PABPC1L: variants seen among roughly 807,000 people sequenced by gnomAD.
The protein encoded by PABPC1L is poly(A) binding protein cytoplasmic 1 like.
A neutral mutation model predicts 66.6 loss-of-function variants in PABPC1L; 31 were observed. That is an observed-to-expected ratio of 0.47 (90% CI 0.35 to 0.63). PABPC1L has a LOEUF of 0.63. Among genes scored for constraint, PABPC1L ranks in the 20% least tolerant of loss-of-function variants. The pLI is 0.00. For missense variants in PABPC1L, 722 were observed against 848.8 expected (o/e 0.85, Z 1.86); for synonymous variants, 348 against 335.1 (o/e 1.04, Z -0.42).
chr20:44,925,487 G>A (rs2066803507), intron 7 of PABPC1L, among the ~76,000 whole-genome samples: 1 of 152,188 alleles, frequency 6.6e-6, no homozygotes, highest in South Asian at 2.1e-4. Flanking sequence ...GGCAGTAGCA[G>A]CAGTGTTTGA....
intron 7 of PABPC1L, among the ~76,000 whole-genome samples, chr20:44,929,749 C>T (rs79009129): frequency 0.017 from 2,560 of 150,434 alleles, 61 homozygotes; most frequent in Admixed American, 0.078. Flanking sequence ...TAGCCGAGAT[C>T]GTGCCACTCC....
chr20:44,910,320 C>G lies in PABPC1L; in HGVS notation c.177C>G (p.Phe59Leu). ...RRSLGYAYIN[F>L]QQPADAERAL... ...CGCTGGGCTACGCCTACATCAACTT[C>G]CAGCAGCCCGCGGACGGTGAGCCCC... Residue 59 changes from phenylalanine to leucine, a missense_variant, in exon 1 of 15, where the codon TTC becomes TTG. Physicochemically the swap from Phe to Leu is conservative, Grantham distance 22 (BLOSUM62 0). Coordinates refer to ENST00000217073, the MANE Select transcript of PABPC1L (RefSeq NM_001372179.1). The G allele has an allele frequency of 2.6e-6, 4 of 1,517,296 alleles. No homozygotes were observed. Among genetic ancestry groups the G allele is most frequent in the Non-Finnish European group, 2.7e-6 (3 of 1,125,680 alleles). 94.0% of individuals were successfully genotyped at this position (1,517,296 alleles called of 1,614,324 possible).
intron 7 of PABPC1L, among the ~76,000 whole-genome samples, chr20:44,929,609 A>G (rs111269586): frequency 1.3e-5 from 2 of 152,046 alleles, no homozygotes; most frequent in South Asian, 4.2e-4. Flanking sequence ...AGCCTGGCCA[A>G]CATGGTGAAA....
chr20:44,914,482 A>G (rs1214849005), intron 2 of PABPC1L, among the ~76,000 whole-genome samples: 2 of 152,176 alleles, frequency 1.3e-5, no homozygotes, highest in Non-Finnish European at 2.9e-5. Context: ...TGCTGGGATT[A>G]CAGGCGTGAG....
intron 11 of PABPC1L, 138 bp from the exon 12 acceptor site, chr20:44,936,499 C>T (rs111861736): frequency 6.0e-5 from 40 of 665,284 alleles, no homozygotes; most frequent in Middle Eastern, 4.2e-4. Flanking sequence ...GACTCTCCAC[C>T]CCACCTGATC....
intron 6 of PABPC1L, among the ~76,000 whole-genome samples, 182 bp downstream of exon 6, chr20:44,921,913 C>T (rs2066776970): frequency 6.6e-6 from 1 of 152,198 alleles, no homozygotes; most frequent in Non-Finnish European, 1.5e-5. Flanking sequence ...CTGCGCACAA[C>T]CCAACTGTCC....
At chr20:44,928,864 C>CAAAAAAAAAAAAAA (rs10597679) in intron 7 of PABPC1L, among the ~76,000 whole-genome samples, 73 of 54,312 alleles carry the variant, frequency 1.3e-3, no homozygotes, top group African/African-American at 3.6e-3. Flanking sequence ...GATCCTGACT[C>CAAAAAAAAAAAAAA]AAAAAAAAAA....
chr20:44,937,222 C>T (rs2066908177), intron 12 of PABPC1L: 3 of 343,378 alleles, frequency 8.7e-6, no homozygotes, highest in South Asian at 2.2e-5. Flanking sequence ...TTCATCTTCA[C>T]CCCTAGTGTC....
At chr20:44,932,752 C>G (rs910098652) in intron 9 of PABPC1L, 2 of 495,672 alleles carry the variant, frequency 4.0e-6, no homozygotes, top group African/African-American at 3.8e-5. Context: ...CAAAGGCCCT[C>G]CTCTGTAAGA....
intron 10 of PABPC1L, among the ~76,000 whole-genome samples, chr20:44,935,147 C>T (rs147444514): frequency 4.6e-5 from 7 of 151,066 alleles, no homozygotes; most frequent in African/African-American, 1.7e-4. Flanking sequence ...TGGGTATATA[C>T]CCAGAGGTAA....
intron 2 of PABPC1L, 96 bp downstream of exon 2, chr20:44,912,949 G>C: frequency 8.4e-7 from 1 of 1,191,412 alleles, no homozygotes; most frequent in Non-Finnish European, 1.2e-6. Flanking sequence ...CAGTTTACAA[G>C]GTCCTTTCAG....
chr20:44,937,611 C>T (rs1450106274), intron 12 of PABPC1L, among the ~76,000 whole-genome samples: 1 of 152,154 alleles, frequency 6.6e-6, no homozygotes, highest in Non-Finnish European at 1.5e-5. Flanking sequence ...GATGGGGTTT[C>T]ACCATGTTGG....
At chr20:44,938,235 G>GACA in intron 13 of PABPC1L, 44 bp downstream of exon 13, 9 of 1,597,314 alleles carry the variant, frequency 5.6e-6, no homozygotes, top group Non-Finnish European at 7.7e-6. Context: ...GGGGCAGGAG[G>GACA]AGAGCTAACG....
Position 44,918,918 on chromosome 20 carries a change from C to T in PABPC1L, c.516C>T (p.His172=). Reference sequence around the variant, plus strand: ...GTCATGTCCACAGCTTTGTGGGTCACTTCAAGTCTCGACGGGAGCGGGAGG... The same window carrying T: ...GTCATGTCCACAGCTTTGTGGGTCATTTCAAGTCTCGACGGGAGCGGGAGG... ...LLNDRKVFVG[H]FKSRREREAE... The change falls in exon 4 of 15, where the codon CAC becomes CAT. Residue 172 remains histidine (H), a synonymous_variant. Coordinates refer to ENST00000217073, the MANE Select transcript of PABPC1L (RefSeq NM_001372179.1). The T allele has an allele frequency of 6.3e-7, 1 of 1,594,126 alleles. No individual in the cohort carries two copies. Among genetic ancestry groups the T allele is most frequent in the East Asian group, 2.2e-5 (1 of 44,788 alleles).
chr20:44,919,142 A>C (rs2066756658), intron 4 of PABPC1L, 41 bp from the exon 5 acceptor site: 2 of 1,613,876 alleles, frequency 1.2e-6, no homozygotes, highest in Middle Eastern at 1.6e-4. Context: ...TTTCCTGAGG[A>C]CTTCCCAGAC....
intron 7 of PABPC1L, among the ~76,000 whole-genome samples, chr20:44,925,273 T>G (rs1166063484): frequency 6.6e-6 from 1 of 151,592 alleles, no homozygotes; most frequent in Non-Finnish European, 1.5e-5. Flanking sequence ...TGTTTCTTCA[T>G]TCTATACTTA....
In PABPC1L at chr20:44,912,835, G is replaced by C. The variant is rs1471975670; in HGVS notation, c.369G>C (p.Gly123=). The change falls in exon 2 of 15, where the codon GGG becomes GGC. Residue 123 remains glycine (G), a synonymous_variant. Transcript: ENST00000217073. ...KALYDTFSTF[G]NILSCKVACD... ...TATATGATACCTTCTCCACCTTTGG[G>C]AACATCCTCTCTTGCAAGGTAGAGG... 4 of 1,613,810 alleles carry C rather than the reference G, an allele frequency of 2.5e-6. No individual in the cohort carries two copies. The highest frequency in any genetic ancestry group is 1.3e-5 in the African/African-American group (1 of 74,888).
intron 14 of PABPC1L, 36 bp downstream of exon 14, chr20:44,938,784 G>A (rs1273417803): frequency 1.3e-6 from 2 of 1,587,130 alleles, no homozygotes. Context: ...CTGAGCCCGG[G>A]AGAAGCTGTA....
intron 13 of PABPC1L, 76 bp downstream of exon 13, chr20:44,938,267 C>A: frequency 6.5e-7 from 1 of 1,534,820 alleles, no homozygotes; most frequent in Non-Finnish European, 8.8e-7. Context: ...CCTAGTGGAG[C>A]CAGTGGATAG....
Sources: gnomAD v4.1 joint callset for allele counts (sites outside exome capture counted in the v4.1 genomes callset) on GRCh38, gnomAD v4.1.1 for gene constraint, MANE v1.5 for transcripts, NCBI Gene and HGNC (gene_info 2026-07-23, HGNC 2026-07-21) for gene names.